Variants in POU2F2 observed in about 807,000 individuals in gnomAD.
The protein encoded by POU2F2 is POU class 2 homeobox 2.
A neutral mutation model predicts 63.5 loss-of-function variants in POU2F2; 14 were observed. The observed-to-expected ratio is 0.22, with a 90% CI of 0.15 to 0.34. The LOEUF is 0.34. POU2F2 is among the 10% of genes least tolerant of loss of function. POU2F2 has a pLI of 1.00. For synonymous variants in POU2F2, 306 were observed against 348.6 expected, an observed-to-expected ratio of 0.88 and a Z score of 1.36; for missense variants, 607 against 815.2, an observed-to-expected ratio of 0.74 and a Z score of 3.11.
At chr19:42,119,437 C>T (rs1275120044) in intron 4 of POU2F2, among the ~76,000 whole-genome samples, 1 of 152,190 alleles carries the variant, frequency 6.6e-6, no homozygotes, top group Non-Finnish European at 1.5e-5. Flanking sequence ...ACTTTGGGAG[C>T]CAAGGTGGGA....
intron 1 of POU2F2, among the ~76,000 whole-genome samples, chr19:42,186,121 C>A (rs2035009885): frequency 6.6e-6 from 1 of 151,858 alleles, no homozygotes; most frequent in Non-Finnish European, 1.5e-5. Flanking sequence ...GAGATTGAGA[C>A]CATCCTGGCT....
At chr19:42,165,449 C>A (rs1449098719) in intron 1 of POU2F2, among the ~76,000 whole-genome samples, 1 of 152,206 alleles carries the variant, frequency 6.6e-6, no homozygotes, top group African/African-American at 2.4e-5. Flanking sequence ...CTCAACTGGT[C>A]ATGACACAGC....
upstream of POU2F2, among the ~76,000 whole-genome samples, chr19:42,178,962 G>C (rs535327494): frequency 6.6e-6 from 1 of 152,258 alleles, no homozygotes; most frequent in Non-Finnish European, 1.5e-5. Context: ...CACACAGAGA[G>C]ACACAGTGAG....
At chr19:42,188,544 G>C (rs2035038380) in intron 1 of POU2F2, among the ~76,000 whole-genome samples, 1 of 151,418 alleles carries the variant, frequency 6.6e-6, no homozygotes, top group African/African-American at 2.4e-5. Context: ...GGTGGCAGAT[G>C]CCTGTAATCC....
At chr19:42,197,721 C>T (rs1330949058), upstream of POU2F2, among the ~76,000 whole-genome samples, 1 of 152,150 alleles carries the variant, frequency 6.6e-6, no homozygotes, top group African/African-American at 2.4e-5. Flanking sequence ...GAACAGAGAT[C>T]CAGGTGAAGA....
At chr19:42,142,057 T>C (rs1040617973) in intron 2 of POU2F2, among the ~76,000 whole-genome samples, 7 of 152,262 alleles carry the variant, frequency 4.6e-5, no homozygotes, top group Non-Finnish European at 4.4e-5. Flanking sequence ...CAACTTGATA[T>C]CATTGATGTA....
chr19:42,184,867 C>A (rs2034997289), intron 1 of POU2F2, among the ~76,000 whole-genome samples: 2 of 152,138 alleles, frequency 1.3e-5, no homozygotes, highest in South Asian at 4.1e-4. Flanking sequence ...TTAGCCCTCT[C>A]TCCTAAGCTT....
chr19:42,148,373 T>C (rs921272753), intron 2 of POU2F2, among the ~76,000 whole-genome samples: 6 of 152,172 alleles, frequency 3.9e-5, no homozygotes, highest in Non-Finnish European at 8.8e-5. Context: ...TAAGCAAGCA[T>C]ATAGCATGTG....
Position 42,116,800 on chromosome 19 carries a change from C to G in POU2F2, c.369+450G>C, listed in dbSNP as rs548531834. On this transcript the variant is annotated intron_variant, in intron 5 of 14. Coordinates refer to ENST00000692977, the MANE Select transcript of POU2F2 (RefSeq NM_001394376.1). Reference sequence around the variant, plus strand: ...CTGTGGTGGTGGCAGGTCACCCCCCCCAGAGGAGGCTGGGGGCTGTGAGGT... The same window carrying G: ...CTGTGGTGGTGGCAGGTCACCCCCCGCAGAGGAGGCTGGGGGCTGTGAGGT... 2.3e-3 allele frequency: 846 copies of G among 372,588 alleles called. 13 individuals carry two copies. The highest frequency in any genetic ancestry group is 0.012 in the South Asian group (643 of 51,966). The allele number at this position is 372,588 out of a possible 1,614,324, so 23.1% of individuals were successfully genotyped here.
At chr19:42,130,535 G>A (rs2033613152) in intron 1 of POU2F2, among the ~76,000 whole-genome samples, 1 of 152,062 alleles carries the variant, frequency 6.6e-6, no homozygotes, top group Non-Finnish European at 1.5e-5. Flanking sequence ...TTAGCCTACT[G>A]CCCAGCACCT....
chr19:42,137,708 A>T (rs528139481), intron 2 of POU2F2, among the ~76,000 whole-genome samples: 1 of 152,138 alleles, frequency 6.6e-6, no homozygotes, highest in Non-Finnish European at 1.5e-5. Flanking sequence ...ACAGAGAGAG[A>T]CCCTGACTCT....
At chr19:42,104,208 T>C (rs1281834584) in intron 5 of POU2F2, among the ~76,000 whole-genome samples, 1 of 152,146 alleles carries the variant, frequency 6.6e-6, no homozygotes, top group East Asian at 1.9e-4. Flanking sequence ...AATATAAAAA[T>C]AGTGTGTAAT....
intron 4 of POU2F2, among the ~76,000 whole-genome samples, chr19:42,121,198 A>C (rs992118336): frequency 6.6e-6 from 1 of 152,172 alleles, no homozygotes; most frequent in African/African-American, 2.4e-5. Flanking sequence ...GCAATAGCCA[A>C]ACCTGCCATC....
At chr19:42,128,661 G>A (rs2033417518) in intron 1 of POU2F2, among the ~76,000 whole-genome samples, 1 of 152,108 alleles carries the variant, frequency 6.6e-6, no homozygotes, top group Non-Finnish European at 1.5e-5. Context: ...CATAGACTTG[G>A]AGGGTCCATC....
chr19:42,141,802 T>A (rs1195295), intron 2 of POU2F2, among the ~76,000 whole-genome samples: 122,903 of 152,190 alleles, frequency 0.81, 50,358 homozygotes, highest in African/African-American at 0.95. Flanking sequence ...AATCTTAAAT[T>A]TAATATTTGC....
chr19:42,127,627 C>T (rs576941134), intron 1 of POU2F2, among the ~76,000 whole-genome samples: 1 of 152,162 alleles, frequency 6.6e-6, no homozygotes, highest in African/African-American at 2.4e-5. Flanking sequence ...ATGATCTGCC[C>T]ACCTCAGCCT....
chr19:42,177,714 G>A (rs1017316012), upstream of POU2F2, among the ~76,000 whole-genome samples: 5 of 151,402 alleles, frequency 3.3e-5, no homozygotes, highest in Admixed American at 2.0e-4. Flanking sequence ...AGAGACAGAG[G>A]GGTAAGGGCG....
chr19:42,192,205 C>A (rs2035081932), intron 1 of POU2F2, among the ~76,000 whole-genome samples: 1 of 152,074 alleles, frequency 6.6e-6, no homozygotes, highest in African/African-American at 2.4e-5. Flanking sequence ...AATATCCCAG[C>A]AGGAGAGCAT....
intron 2 of POU2F2, among the ~76,000 whole-genome samples, chr19:42,157,745 G>A (rs1057015565): frequency 6.6e-6 from 1 of 152,190 alleles, no homozygotes; most frequent in Non-Finnish European, 1.5e-5. Context: ...GTCAAGAAAG[G>A]CCCTCAGAGT....
Sources: gnomAD v4.1 joint callset for allele counts (sites outside exome capture counted in the v4.1 genomes callset) on GRCh38, gnomAD v4.1.1 for gene constraint, MANE v1.5 for transcripts, NCBI Gene and HGNC (gene_info 2026-07-23, HGNC 2026-07-21) for gene names.